The following ATXN7L1 variants were observed in gnomAD, a reference collection of about 807,000 sequenced individuals.
ATXN7L1 encodes the protein ataxin-7-like protein 1.
In ATXN7L1, 15 loss-of-function variants were observed where a neutral mutation model predicts 70.8. The ratio of observed to expected loss-of-function variants is 0.21; its 90% CI spans 0.14 to 0.33. The LOEUF is 0.33. ATXN7L1 is among the 10% of genes least tolerant of loss of function. ATXN7L1 has a pLI of 1.00. For missense variants in ATXN7L1, 975 were observed against 1,097.1 expected (o/e 0.89, Z 1.57); for synonymous variants, 440 against 445.1 (o/e 0.99, Z 0.14).
intron 2 of ATXN7L1, among the ~76,000 whole-genome samples, chr7:105,792,009 G>A (rs1343013059): frequency 6.6e-6 from 1 of 152,186 alleles, no homozygotes; most frequent in Non-Finnish European, 1.5e-5. Context: ...TGTCTTACAT[G>A]CTGGGTGACC....
At chr7:105,627,380 A>C (rs1795858813) in intron 7 of ATXN7L1, among the ~76,000 whole-genome samples, 1 of 151,652 alleles carries the variant, frequency 6.6e-6, no homozygotes, top group South Asian at 2.1e-4. Flanking sequence ...GCTTATAGGC[A>C]TGTGTCACAG....
chr7:105,728,806 C>T (rs1434086720), intron 3 of ATXN7L1, among the ~76,000 whole-genome samples: 1 of 152,172 alleles, frequency 6.6e-6, no homozygotes, highest in East Asian at 1.9e-4. Context: ...ATAATAAAAT[C>T]CTACAAGGAT....
At chr7:105,767,531 G>A (rs1012721713) in intron 3 of ATXN7L1, among the ~76,000 whole-genome samples, 14 of 152,202 alleles carry the variant, frequency 9.2e-5, no homozygotes, top group African/African-American at 3.4e-4. Context: ...AATTCACAAG[G>A]CCAGAGAAGT....
Position 105,835,885 on chromosome 7 carries a change from TTC to T in ATXN7L1, c.250+39925_250+39926del, listed in dbSNP as rs566323199. Among the ~76,000 whole-genome samples the T allele has an allele frequency of 7.3e-5, 11 of 151,658 alleles. 1 individual carries two copies. In the East Asian group the frequency reaches 7.7e-4, roughly 11 times the overall value. Reference sequence around the variant, plus strand: ...TTGGGAAGTTTGGCTAGTGGCACCCTTCTCTCTCTCTCTCTTTTTTTCAAGAG... The same window carrying T: ...TTGGGAAGTTTGGCTAGTGGCACCCTTCTCTCTCTCTCTTTTTTTCAAGAG... On this transcript the variant is annotated intron_variant, in intron 2 of 11. Transcript: ENST00000419735.
In ATXN7L1 at chr7:105,725,939, G is replaced by A. The variant is rs188028742; in HGVS notation, c.356-60651C>T. 1.9e-3 allele frequency among the ~76,000 whole-genome samples: 264 copies of A among 139,204 alleles called. 5 individuals are homozygous for A. Among genetic ancestry groups the A allele is most frequent in the Admixed American group, 0.014 (182 of 12,998 alleles). The allele number at this position is 139,204 out of a possible 152,430, so 91.3% of individuals were successfully genotyped here. A position where few individuals can be genotyped will look rare whatever the true frequency, so the allele number is the denominator to read the frequency against. On this transcript the variant is annotated intron_variant, in intron 3 of 11. Transcript: ENST00000419735. ...TTTTTTTGAGACAGAGTCTTGCTCC[G>A]TCGTCCAGGATGGAGTGCAATGGCA...
rs202042112 is a variant in ATXN7L1 at position 105,794,035 on chromosome 7, CAT to C, written c.251-5329_251-5328del. ...ATCCATCCATCATCCATCATTGAAA[CAT>C]GTGGTGTACACGCTGATATTTTCTG... On this transcript the variant is annotated intron_variant, in intron 2 of 11. Coordinates refer to ENST00000419735, the MANE Select transcript of ATXN7L1 (RefSeq NM_020725.2). 7.7e-3 allele frequency among the ~76,000 whole-genome samples: 975 copies of C among 127,320 alleles called. 7 individuals are homozygous for C. The highest frequency in any genetic ancestry group is 0.01 in the Non-Finnish European group (652 of 63,236). The allele number at this position is 127,320 out of a possible 152,430, so 83.5% of individuals were successfully genotyped here.
chr7:105,852,988 G>C (rs1201105063), intron 2 of ATXN7L1, among the ~76,000 whole-genome samples: 1 of 152,028 alleles, frequency 6.6e-6, no homozygotes, highest in East Asian at 1.9e-4. Context: ...TTATATGAGG[G>C]GAATAGATGA....
At position 105,620,178 on chromosome 7, in the gene ATXN7L1, T is replaced by C. The variant is rs1236239731; in HGVS notation, c.1517+22A>G. The C allele has an allele frequency of 3.0e-5, 47 of 1,550,308 alleles. 1 individual carries two copies. The highest frequency in any genetic ancestry group is 4.0e-5 in the Non-Finnish European group (46 of 1,146,206). On this transcript the variant is annotated intron_variant, in intron 9 of 11. Coordinates refer to ENST00000419735, the MANE Select transcript of ATXN7L1 (RefSeq NM_020725.2). ...CTGTGGGGCAGCTTGGATCTTATAT[T>C]GCACAAAAGCTGCTCACTTACTTCC...
intron 2 of ATXN7L1, among the ~76,000 whole-genome samples, chr7:105,835,709 T>C (rs986407774): frequency 3.9e-5 from 6 of 152,312 alleles, no homozygotes; most frequent in African/African-American, 9.6e-5. Flanking sequence ...ACAGTTTCTC[T>C]TCTGGCCAAC....
chr7:105,858,933 C>A (rs1816137009), intron 2 of ATXN7L1, among the ~76,000 whole-genome samples: 1 of 151,730 alleles, frequency 6.6e-6, no homozygotes, highest in Non-Finnish European at 1.5e-5. Context: ...TATATTCACA[C>A]ACATGTGGGG....
Position 105,605,422 on chromosome 7 carries a change from CTCACCTTGG to C in ATXN7L1, c.*2421_*2429del. ...TTTTGCCCAGTTTTCCAGAAATATCCTCACCTTGGTCATAGCCAGTCTTTTGACAAAGTA... is the reference window on the plus strand; with the variant it reads ...TTTTGCCCAGTTTTCCAGAAATATCCTCATAGCCAGTCTTTTGACAAAGTA... On this transcript the variant is annotated 3_prime_UTR_variant, in exon 12 of 12. Coordinates refer to ENST00000419735, the MANE Select transcript of ATXN7L1 (RefSeq NM_020725.2). The C allele has an allele frequency of 7.3e-6, 1 of 137,442 alleles. No homozygotes were observed. The highest frequency in any genetic ancestry group is 2.1e-4 in the East Asian group (1 of 4,758). The allele number at this position is 137,442 out of a possible 1,614,324, so 8.5% of individuals were successfully genotyped here.
intron 3 of ATXN7L1, among the ~76,000 whole-genome samples, chr7:105,697,572 G>A (rs1380519283): frequency 1.3e-5 from 2 of 152,064 alleles, no homozygotes; most frequent in African/African-American, 4.8e-5. Flanking sequence ...TACAATTTGT[G>A]CAGTTAATGC....
rs1793623893 is a variant in ATXN7L1 at position 105,614,795 on chromosome 7, A to G, written c.1539T>C (p.Asp513=). Reference sequence around the variant, plus strand: ...GGGCTGCTGGCGAGGGCAGGGGGCTATCTGCCGCAGGAGGGATCTTCCTAA... The same window carrying G: ...GGGCTGCTGGCGAGGGCAGGGGGCTGTCTGCCGCAGGAGGGATCTTCCTAA... The part of the protein sequence containing the change: ...QMWKKIPPAA[D]SPLPSPAAHI... The change falls in exon 10 of 12, where the codon GAT becomes GAC. Residue 513 remains aspartate (D), a synonymous_variant. Transcript: ENST00000419735. The surrounding 1 kb of genome is among the most constrained non-coding windows in gnomAD (Gnocchi z 4.3). 6.4e-6 allele frequency: 10 copies of G among 1,550,810 alleles called. No homozygotes were observed. Among genetic ancestry groups the G allele is most frequent in the Non-Finnish European group, 7.9e-6 (9 of 1,146,444 alleles).
At chr7:105,692,445 C>T (rs1264798485) in intron 3 of ATXN7L1, among the ~76,000 whole-genome samples, 1 of 120,466 alleles carries the variant, frequency 8.3e-6, no homozygotes, top group Non-Finnish European at 1.8e-5. Context: ...TCCCTCCCTC[C>T]CTTCCTTCCT....
intron 3 of ATXN7L1, among the ~76,000 whole-genome samples, chr7:105,671,892 A>C (rs1483741434): frequency 2.6e-4 from 2 of 7,776 alleles, no homozygotes; most frequent in South Asian, 4.5e-3. Flanking sequence ...CCTGTCTCAA[A>C]AAAAAAAAAA....
intron 2 of ATXN7L1, chr7:105,874,948 C>G (rs1325724951): frequency 6.6e-6 from 1 of 152,216 alleles, no homozygotes; most frequent in Non-Finnish European, 1.5e-5. Flanking sequence ...ATCTTCCCAC[C>G]CCCAATTTCA....
At chr7:105,870,064 A>G (rs1818023202) in intron 2 of ATXN7L1, among the ~76,000 whole-genome samples, 1 of 152,058 alleles carries the variant, frequency 6.6e-6, no homozygotes, top group Non-Finnish European at 1.5e-5. Context: ...GGCGGATCAC[A>G]AAGTTAGGAG....
chr7:105,797,772 C>T (rs907814381), intron 2 of ATXN7L1, among the ~76,000 whole-genome samples: 1 of 152,256 alleles, frequency 6.6e-6, no homozygotes, highest in South Asian at 2.1e-4. Context: ...CCTCCTGGTG[C>T]GCCCTCACTC....
intron 3 of ATXN7L1, among the ~76,000 whole-genome samples, chr7:105,777,314 T>C (rs1466441332): frequency 1.3e-5 from 2 of 152,352 alleles, no homozygotes; most frequent in Admixed American, 1.3e-4. Flanking sequence ...TGAAGTCATC[T>C]GTCCTTGGAA....
Sources: gnomAD v4.1 joint callset for allele counts (sites outside exome capture counted in the v4.1 genomes callset) on GRCh38, gnomAD v4.1.1 for gene constraint, Gnocchi (gnomAD v3.1) non-coding constraint, MANE v1.5 for transcripts, NCBI Gene and HGNC (gene_info 2026-07-23, HGNC 2026-07-21) for gene names.